Variants in CSTF2 observed in about 807,000 individuals in gnomAD.
CSTF2 encodes CF-1 64 kDa subunit.
A neutral mutation model predicts 45.4 loss-of-function variants in CSTF2; 8 were observed. The ratio of observed to expected loss-of-function variants is 0.18; its 90% CI spans 0.10 to 0.32. The LOEUF is 0.32. CSTF2 is among the 10% of genes least tolerant of loss of function. The pLI is 1.00. For synonymous variants in CSTF2, 155 were observed against 158.9 expected (o/e 0.98, Z 0.18); for missense variants, 253 against 477.1 (o/e 0.53, Z 4.38).
At chrX:100,838,458 C>A in intron 13 of CSTF2, 94 bp downstream of exon 13, 1 of 885,603 alleles carries the variant, frequency 1.1e-6, no homozygotes, top group Non-Finnish European at 1.5e-6. Context: ...GTTCTCTCAG[C>A]GGCCCTCAAT....
At chrX:100,831,440 A>G (rs1268116416) in intron 8 of CSTF2, 75 bp from the exon 9 acceptor site, 10 of 1,107,945 alleles carry the variant, frequency 9.0e-6, no homozygotes, top group East Asian at 3.0e-5. Context: ...TTATGTTGTC[A>G]GTGGTATATA....
intron 4 of CSTF2, 132 bp from the exon 5 acceptor site, chrX:100,823,754 G>GT: frequency 1.3e-6 from 1 of 790,304 alleles, no homozygotes; most frequent in Non-Finnish European, 1.8e-6. Flanking sequence ...CATGACCAAG[G>GT]TTTTTTTGTG....
intron 13 of CSTF2, among the ~76,000 whole-genome samples, chrX:100,838,749 G>A (rs2147895708): frequency 9.0e-6 from 1 of 111,657 alleles, no homozygotes; most frequent in South Asian, 3.8e-4. Context: ...AAACTGTCCT[G>A]TCAAAATGGA....
chrX:100,827,188 GAC>G (rs1431592722), intron 7 of CSTF2, among the ~76,000 whole-genome samples: 1 of 111,588 alleles, frequency 9.0e-6, no homozygotes, highest in Non-Finnish European at 1.9e-5. Context: ...GAAGAAAACA[GAC>G]AAAAAAATAC....
intron 11 of CSTF2, among the ~76,000 whole-genome samples, chrX:100,834,518 C>T (rs1323234940): frequency 8.9e-6 from 1 of 112,198 alleles, no homozygotes; most frequent in African/African-American, 3.2e-5. Flanking sequence ...TGTCTACCCC[C>T]TCCTCTGTAA....
rs181059913 is a variant in CSTF2, at chrX:100,838,817, T to C, written c.*3+453T>C. Among the ~76,000 whole-genome samples, 428 of 112,022 alleles carry C rather than the reference T, an allele frequency of 3.8e-3. 1 individual carries two copies. The highest frequency in any genetic ancestry group is 5.4e-3 in the Non-Finnish European group (286 of 53,228). ...TATTTTGTTTCTTGTATTTATTTTA[T>C]AGGGAATATTTTGATGTTGAACTAT... On this transcript the variant is annotated intron_variant, in intron 13 of 13. Transcript: ENST00000372972.
chrX:100,831,463 G>C (rs2084974835), intron 8 of CSTF2, 52 bp from the exon 9 acceptor site: 2 of 1,194,561 alleles, frequency 1.7e-6, no homozygotes, highest in Admixed American at 2.2e-5. Flanking sequence ...GTCATTTCTT[G>C]TTTGCTTATG....
intron 8 of CSTF2, among the ~76,000 whole-genome samples, chrX:100,831,128 T>A (rs1172194785): frequency 1.8e-5 from 2 of 111,443 alleles, no homozygotes; most frequent in African/African-American, 6.5e-5. Flanking sequence ...TTGGATGGAA[T>A]AGCAGTCTGT....
chrX:100,830,688 C>T (rs1268762522), intron 8 of CSTF2: 1 of 538,037 alleles, frequency 1.9e-6, no homozygotes, highest in Non-Finnish European at 3.0e-6. Context: ...AGCCGATGAA[C>T]TCTTGGCTTT....
At chrX:100,835,969 T>A (rs1227137454) in intron 11 of CSTF2, among the ~76,000 whole-genome samples, 3 of 111,468 alleles carry the variant, frequency 2.7e-5, no homozygotes, top group African/African-American at 9.8e-5. Context: ...AAATAAAAAA[T>A]TTTAAAAAAA....
intron 8 of CSTF2, among the ~76,000 whole-genome samples, chrX:100,829,433 G>A (rs1172717276): frequency 1.8e-5 from 2 of 111,330 alleles, no homozygotes; most frequent in East Asian, 5.6e-4. Flanking sequence ...TGAGACTGCA[G>A]TGAGCCATAA....
At chrX:100,828,167 C>T in intron 8 of CSTF2, 65 bp downstream of exon 8, 1 of 854,703 alleles carries the variant, frequency 1.2e-6, no homozygotes, top group Non-Finnish European at 1.7e-6. Flanking sequence ...TCCACAGTAT[C>T]TAATATGGCA....
intron 12 of CSTF2, 27 bp downstream of exon 12, chrX:100,837,476 T>G: frequency 2.0e-6 from 2 of 1,002,709 alleles, no homozygotes; most frequent in Non-Finnish European, 1.4e-6. Context: ...GACTGCCTCC[T>G]TATGCACAAT....
At chrX:100,832,591 T>C in intron 9 of CSTF2, 143 bp from the exon 10 acceptor site, 1 of 502,238 alleles carries the variant, frequency 2.0e-6, no homozygotes, top group Non-Finnish European at 3.1e-6. Flanking sequence ...TCTGTAGCTT[T>C]TCTTCCATCT....
Position 100,833,182 on chromosome X carries a change from G to A in CSTF2, c.1210G>A (p.Gly404Arg). The A allele has an allele frequency of 2.5e-6, 3 of 1,208,463 alleles. No homozygotes were observed. Among genetic ancestry groups the A allele is most frequent in the Admixed American group, 2.2e-5 (1 of 45,900 alleles). ...QRGPPLDGRG[G>R]RDPRGIDARG... ...TTTTGTTACATTTTTCTTTATAGGT[G>A]GAAGGGATCCCCGAGGAATAGATGC... Residue 404 changes from glycine to arginine, a missense_variant and splice_region_variant, in exon 11 of 14, where the codon GGA becomes AGA. Gly to Arg is a moderately radical substitution (Grantham distance 125). Coordinates refer to ENST00000372972, the MANE Select transcript of CSTF2 (RefSeq NM_001325.3).
chrX:100,822,394 G>C lies in CSTF2; in HGVS notation c.281G>C (p.Ser94Thr). 8.3e-7 allele frequency: 1 copy of C among 1,211,729 alleles called. No homozygotes were observed. The highest frequency in any genetic ancestry group is 1.1e-6 in the Non-Finnish European group (1 of 895,450). Reference sequence around the variant, plus strand: ...GCACTTCGAGTGGACAATGCTGCCAGTGAAAAGAACAAAGAAGAGCTGAAG... The same window carrying C: ...GCACTTCGAGTGGACAATGCTGCCACTGAAAAGAACAAAGAAGAGCTGAAG... ...GRALRVDNAA[S>T]EKNKEELKSL... is the part of the protein sequence containing the mutation. The change falls in exon 3 of 14, where the codon AGT becomes ACT. Residue 94 changes from serine (S) to threonine (T), a missense_variant. Transcript: ENST00000372972.
rs1341480081 is a variant in CSTF2 at position 100,833,080 on chromosome X, A to G, written c.1208-100A>G. On this transcript the variant is annotated intron_variant, in intron 10 of 13. Coordinates refer to ENST00000372972, the MANE Select transcript of CSTF2 (RefSeq NM_001325.3). ...TCATATGTTAATAGCTGAGGGGACA[A>G]ATGTGACTAGAAGAGATTTCTATCT... 18 of 1,022,597 alleles carry G rather than the reference A, an allele frequency of 1.8e-5. No individual in the cohort carries two copies. The East Asian group carries it at 6.0e-4, about 34-fold the overall frequency. 84.3% of individuals were successfully genotyped at this position (1,022,597 alleles called of 1,213,427 possible).
In CSTF2 at chrX:100,838,236, C is replaced by T; in HGVS notation, c.1612-3C>T. On this transcript the variant is annotated splice_polypyrimidine_tract_variant and splice_region_variant and intron_variant, in intron 12 of 13. Transcript: ENST00000372972. ...CACTACCTTTTTTTTTTCCTCTGCA[C>T]AGGCTGCTTTGATTATGCAGGTTCT... The T allele has an allele frequency of 8.5e-7, 1 of 1,170,242 alleles. No individual in the cohort carries two copies. Among genetic ancestry groups the T allele is most frequent in the Non-Finnish European group, 1.1e-6 (1 of 874,249 alleles).
intron 1 of CSTF2, among the ~76,000 whole-genome samples, chrX:100,821,306 C>A (rs145831988): frequency 1.2e-4 from 13 of 112,088 alleles, no homozygotes; most frequent in African/African-American, 4.2e-4. Context: ...AAATCTAACA[C>A]GTGTCAGATC....
Sources: allele counts gnomAD v4.1 joint callset (sites outside exome capture counted in the v4.1 genomes callset), GRCh38; gene constraint gnomAD v4.1.1; transcripts MANE v1.5; gene names NCBI Gene and HGNC (gene_info 2026-07-23, HGNC 2026-07-21).